The following ST7 variants were observed in gnomAD, a reference collection of about 807,000 sequenced individuals.
The protein encoded by ST7 is suppressor of tumorigenicity 7 protein.
In ST7, 28 loss-of-function variants were observed where a neutral mutation model predicts 78.7. The observed-to-expected ratio is 0.36, with a 90% CI of 0.26 to 0.49. The LOEUF (loss-of-function observed/expected upper bound fraction) is 0.49. Ranked by LOEUF, ST7 falls within the 20% of genes least tolerant of loss-of-function variation. The pLI is 0.99. For synonymous variants in ST7, 247 were observed against 249.6 expected (o/e 0.99, Z 0.10); for missense variants, 418 against 696.0 (o/e 0.60, Z 4.49).
intron 1 of ST7, among the ~76,000 whole-genome samples, chr7:116,997,161 G>T (rs910714310): frequency 4.6e-5 from 7 of 152,106 alleles, no homozygotes; most frequent in African/African-American, 7.2e-5. Flanking sequence ...GCAGACCTTC[G>T]CAGTGAGTGT....
At chr7:117,115,218 T>C (rs1412087877) in intron 2 of ST7, among the ~76,000 whole-genome samples, 1 of 152,186 alleles carries the variant, frequency 6.6e-6, no homozygotes, top group Non-Finnish European at 1.5e-5. Context: ...CACCCAGTTT[T>C]TATCCAGTTA....
At chr7:117,039,608 C>T (rs987709142) in intron 1 of ST7, among the ~76,000 whole-genome samples, 1 of 151,860 alleles carries the variant, frequency 6.6e-6, no homozygotes, top group Non-Finnish European at 1.5e-5. Flanking sequence ...TTTATCCAAA[C>T]TCTGAATTTG....
intron 1 of ST7, among the ~76,000 whole-genome samples, chr7:117,029,059 C>T (rs1005353832): frequency 7.9e-5 from 12 of 152,238 alleles, no homozygotes; most frequent in African/African-American, 2.6e-4. Context: ...AAATATATAG[C>T]TATAAATATA....
intron 1 of ST7, among the ~76,000 whole-genome samples, chr7:117,092,278 C>CAAAA (rs747378081): frequency 9.9e-5 from 3 of 30,276 alleles, no homozygotes; most frequent in African/African-American, 9.3e-5. Flanking sequence ...GACTCCGTCT[C>CAAAA]AAAAAAAAAA....
intron 9 of ST7, among the ~76,000 whole-genome samples, chr7:117,166,993 C>T (rs543141339): frequency 9.5e-4 from 142 of 149,706 alleles, no homozygotes; most frequent in Non-Finnish European, 1.7e-3. Context: ...ATTTAGGCAA[C>T]GTATGAGGGG....
chr7:117,049,277 G>A (rs995740072), intron 1 of ST7, among the ~76,000 whole-genome samples: 1 of 152,082 alleles, frequency 6.6e-6, no homozygotes, highest in East Asian at 1.9e-4. Flanking sequence ...TCCCAGAATA[G>A]GGCACTTTCG....
chr7:117,042,739 A>T (rs1797293821), intron 1 of ST7, among the ~76,000 whole-genome samples: 1 of 152,068 alleles, frequency 6.6e-6, no homozygotes, highest in South Asian at 2.1e-4. Context: ...CAAGATTTTA[A>T]AAAAATATAT....
intron 10 of ST7, among the ~76,000 whole-genome samples, chr7:117,186,638 G>T (rs777317795): frequency 1.3e-5 from 2 of 152,184 alleles, no homozygotes; most frequent in Non-Finnish European, 2.9e-5. Context: ...ACAATATTTG[G>T]TGCATATTAT....
intron 1 of ST7, chr7:116,959,087 A>G (rs1377619019): frequency 2.3e-6 from 1 of 435,668 alleles, no homozygotes; most frequent in East Asian, 7.0e-5. Context: ...AGTCAATTTT[A>G]TCACCCTGCC....
chr7:117,131,919 A>G lies in ST7; in HGVS notation c.600A>G (p.Gln200=). 1 of 1,611,472 alleles carries G rather than the reference A, an allele frequency of 6.2e-7. No individual in the cohort carries two copies. The highest frequency in any genetic ancestry group is 1.1e-5 in the South Asian group (1 of 90,938). ...MQKAWRERNP[Q]ARISAAHEAL... ...AAGCCTGGAGAGAGAGAAACCCCCA[A>G]GCTAGGATTTCTGCAGCTCATGAAG... The change falls in exon 6 of 16, where the codon CAA becomes CAG. Residue 200 remains glutamine (Q), a synonymous_variant. Coordinates refer to ENST00000323984, the MANE Select transcript of ST7 (RefSeq NM_001369598.1).
At chr7:117,071,103 C>G (rs1798926373) in intron 1 of ST7, among the ~76,000 whole-genome samples, 1 of 151,958 alleles carries the variant, frequency 6.6e-6, no homozygotes. Context: ...CCTGTAGTCC[C>G]AGCTACTCGG....
chr7:117,169,704 C>T (rs147069050), intron 9 of ST7, among the ~76,000 whole-genome samples: 220 of 152,102 alleles, frequency 1.4e-3, no homozygotes, highest in African/African-American at 4.9e-3. Flanking sequence ...TGTACCTGGG[C>T]TGCTGGCCAC....
intron 1 of ST7, chr7:117,090,855 C>T (rs1800554236): frequency 6.0e-6 from 1 of 167,180 alleles, no homozygotes; most frequent in Non-Finnish European, 1.5e-5. Context: ...TGTGACTGGG[C>T]GTTGGATGGT....
At chr7:117,047,940 C>T (rs1201263689) in intron 1 of ST7, among the ~76,000 whole-genome samples, 7 of 152,184 alleles carry the variant, frequency 4.6e-5, no homozygotes, top group African/African-American at 1.7e-4. Flanking sequence ...CTGAATATAA[C>T]TTTTGGCTCC....
chr7:117,065,939 C>T (rs1798611265), intron 1 of ST7, among the ~76,000 whole-genome samples: 1 of 152,228 alleles, frequency 6.6e-6, no homozygotes, highest in African/African-American at 2.4e-5. Context: ...ATACCTTAAA[C>T]TCTTCCTTGC....
intron 10 of ST7, among the ~76,000 whole-genome samples, chr7:117,174,368 C>G (rs1465056925): frequency 6.6e-6 from 1 of 152,092 alleles, no homozygotes; most frequent in African/African-American, 2.4e-5. Context: ...TGATTCAAAC[C>G]ACAAGCATAT....
intron 1 of ST7, among the ~76,000 whole-genome samples, chr7:116,976,010 C>T (rs552698060): frequency 2.6e-5 from 4 of 152,108 alleles, no homozygotes; most frequent in African/African-American, 9.6e-5. Flanking sequence ...CCTGTAATCC[C>T]AGCACTTTGG....
intron 13 of ST7, among the ~76,000 whole-genome samples, chr7:117,218,799 A>G (rs886750799): frequency 2.6e-5 from 4 of 152,214 alleles, no homozygotes; most frequent in Non-Finnish European, 5.9e-5. Context: ...TTAGTAGATG[A>G]TGAAACCCTG....
intron 1 of ST7, among the ~76,000 whole-genome samples, chr7:117,091,732 C>T (rs1056705429): frequency 1.3e-5 from 2 of 152,150 alleles, no homozygotes; most frequent in African/African-American, 4.8e-5. Flanking sequence ...ATATTGCTGC[C>T]TAACAAATTT....
Sources: gnomAD v4.1 joint callset for allele counts (sites outside exome capture counted in the v4.1 genomes callset) on GRCh38, gnomAD v4.1.1 for gene constraint, MANE v1.5 for transcripts, NCBI Gene and HGNC (gene_info 2026-07-23, HGNC 2026-07-21) for gene names.